The following SNX25 variants were observed in gnomAD, a reference collection of about 807,000 sequenced individuals.
The protein encoded by SNX25 is sorting nexin-25.
A neutral mutation model predicts 113.7 loss-of-function variants in SNX25; 62 were observed. The ratio of observed to expected loss-of-function variants is 0.55; its 90% CI spans 0.44 to 0.67. SNX25 has a LOEUF of 0.67. SNX25 is among the 30% of genes least tolerant of loss of function. The probability of loss-of-function intolerance (pLI) is 0.00; values close to 1 mark genes in which losing one functional copy is unlikely to be tolerated. For missense variants in SNX25, 1,014 were observed against 1,161.0 expected (o/e 0.87, Z 1.84); for synonymous variants, 421 against 436.2 (o/e 0.97, Z 0.43).
chr4:185,229,827 A>G (rs898435944), intron 1 of SNX25, among the ~76,000 whole-genome samples: 1 of 151,974 alleles, frequency 6.6e-6, no homozygotes, highest in Non-Finnish European at 1.5e-5. Context: ...TTCAAGTACT[A>G]TATTTATTTA....
chr4:185,285,154 A>G (rs1375053174), intron 5 of SNX25, among the ~76,000 whole-genome samples: 1 of 152,208 alleles, frequency 6.6e-6, no homozygotes, highest in Non-Finnish European at 1.5e-5. Flanking sequence ...GCTCATATAT[A>G]CACATAGATA....
At chr4:185,241,128 G>A (rs1216689843) in intron 1 of SNX25, among the ~76,000 whole-genome samples, 1 of 151,710 alleles carries the variant, frequency 6.6e-6, no homozygotes, top group Non-Finnish European at 1.5e-5. Context: ...AAGGCAGGCA[G>A]CTGGGAGGTG....
intron 1 of SNX25, among the ~76,000 whole-genome samples, chr4:185,245,162 T>A (rs1560929557): frequency 1.3e-5 from 2 of 152,198 alleles, no homozygotes; most frequent in Non-Finnish European, 1.5e-5. Context: ...TCTGCAATTT[T>A]TTTTGTTTCT....
At position 185,239,774 on chromosome 4, in the gene SNX25, CTT is replaced by C. The variant is rs564649102; in HGVS notation, c.430-7506_430-7505del. Among the ~76,000 whole-genome samples the C allele has an allele frequency of 7.0e-4, 77 of 110,732 alleles. 1 individual carries two copies. The highest frequency in any genetic ancestry group is 2.0e-3 in the African/African-American group (54 of 27,030). 72.6% of individuals were successfully genotyped at this position (110,732 alleles called of 152,430 possible). On this transcript the variant is annotated intron_variant, in intron 1 of 18. Coordinates refer to ENST00000652585, the MANE Select transcript of SNX25 (RefSeq NM_001378034.2). ...AGAAAATAAGGTGTATTTTTTTTTT[CTT>C]TTTTTTTTTTTTTATTGATCATTCT...
intron 1 of SNX25, among the ~76,000 whole-genome samples, chr4:185,211,291 A>G (rs551287465): frequency 3.7e-4 from 57 of 152,214 alleles, no homozygotes; most frequent in Non-Finnish European, 7.5e-4. Flanking sequence ...TTAGTAGGTA[A>G]CAGACATTTC....
chr4:185,310,753 C>A lies in SNX25; in HGVS notation c.1281C>A (p.Gly427=). 2 of 1,613,882 alleles carry A rather than the reference C, an allele frequency of 1.2e-6. No homozygotes were observed. The highest frequency in any genetic ancestry group is 1.7e-6 in the Non-Finnish European group (2 of 1,179,896). Residue 427 remains glycine, a synonymous_variant, in exon 7 of 19, where the codon GGC becomes GGA. Coordinates refer to ENST00000652585, the MANE Select transcript of SNX25 (RefSeq NM_001378034.2). Reference sequence around the variant, plus strand: ...AGAAGAGAATCCGAATCCTGGGAGGCCCTGCCTATGACCAGCAAGAGGATG... The same window carrying A: ...AGAAGAGAATCCGAATCCTGGGAGGACCTGCCTATGACCAGCAAGAGGATG... ...QCEKRIRILG[G]PAYDQQEDGA...
intron 5 of SNX25, among the ~76,000 whole-genome samples, chr4:185,268,148 G>T (rs899044997): frequency 1.3e-5 from 2 of 152,272 alleles, no homozygotes; most frequent in Middle Eastern, 3.4e-3. Context: ...TCAGATGTCG[G>T]GAGTACCTGC....
intron 2 of SNX25, among the ~76,000 whole-genome samples, chr4:185,251,768 C>G (rs1364698009): frequency 6.6e-6 from 1 of 151,674 alleles, no homozygotes; most frequent in Non-Finnish European, 1.5e-5. Context: ...TTTCTCTGTA[C>G]TTAGACGTGA....
At chr4:185,375,537 TA>T in the SNX25 span, 1 of 207,948 alleles carries the variant, frequency 4.8e-6, no homozygotes, top group Admixed American at 7.5e-5. Context: ...TGTATTAAAA[TA>T]TAAATAATTT....
At chr4:185,324,423 C>G (rs771857800) in intron 9 of SNX25, among the ~76,000 whole-genome samples, 26 of 152,182 alleles carry the variant, frequency 1.7e-4, no homozygotes, top group Non-Finnish European at 2.9e-4. Flanking sequence ...CAGGAGCACT[C>G]TCTCTTACAG....
downstream of SNX25, among the ~76,000 whole-genome samples, chr4:185,371,654 A>G (rs1379125616): frequency 6.6e-6 from 1 of 152,088 alleles, no homozygotes; most frequent in Non-Finnish European, 1.5e-5. Context: ...GTTAACCTCA[A>G]TGTCATAGGG....
chr4:185,215,013 G>A (rs1238609315), intron 1 of SNX25, among the ~76,000 whole-genome samples: 3 of 152,154 alleles, frequency 2.0e-5, no homozygotes, highest in East Asian at 1.9e-4. Context: ...GGTGGATCAC[G>A]AGGTCAGGAG....
At chr4:185,371,000 A>G (rs921969654), downstream of SNX25, 10 of 562,796 alleles carry the variant, frequency 1.8e-5, no homozygotes, top group Non-Finnish European at 2.8e-5. Context: ...TGAGCTTCCC[A>G]GAGTGGTGAC....
chr4:185,260,347 T>C (rs1747117296), intron 3 of SNX25, among the ~76,000 whole-genome samples: 1 of 152,158 alleles, frequency 6.6e-6, no homozygotes, highest in Non-Finnish European at 1.5e-5. Flanking sequence ...CTCATTTCTA[T>C]GGGTTCTATC....
At chr4:185,367,269 A>C, downstream of SNX25, 2 of 1,590,976 alleles carry the variant, frequency 1.3e-6, no homozygotes, top group Admixed American at 3.4e-5. Flanking sequence ...AGAGTCAGAT[A>C]TTTAGATACA....
chr4:185,252,874 T>G (rs751316783), intron 2 of SNX25, among the ~76,000 whole-genome samples: 1 of 152,210 alleles, frequency 6.6e-6, no homozygotes, highest in African/African-American at 2.4e-5. Context: ...ATGGCACACT[T>G]GAGGAAAGTG....
At chr4:185,357,085 C>T (rs975131619) in intron 15 of SNX25, among the ~76,000 whole-genome samples, 2 of 152,102 alleles carry the variant, frequency 1.3e-5, no homozygotes, top group African/African-American at 4.8e-5. Context: ...GTGACTTGTG[C>T]CCTCCTGCTA....
At chr4:185,357,790 C>A in intron 16 of SNX25, 53 bp downstream of exon 16, 2 of 1,403,230 alleles carry the variant, frequency 1.4e-6, no homozygotes, top group Non-Finnish European at 2.0e-6. Context: ...TTTGCCTTGA[C>A]AGTCAAATTA....
chr4:185,348,944 G>C (rs2095301831), intron 13 of SNX25, among the ~76,000 whole-genome samples: 1 of 150,248 alleles, frequency 6.7e-6, no homozygotes, highest in South Asian at 2.1e-4. Flanking sequence ...ACAGATGAGT[G>C]GGATCATGCA....
Sources: allele counts gnomAD v4.1 joint callset (sites outside exome capture counted in the v4.1 genomes callset), GRCh38; gene constraint gnomAD v4.1.1; transcripts MANE v1.5; gene names NCBI Gene and HGNC (gene_info 2026-07-23, HGNC 2026-07-21).